The following LCOR variants were observed in gnomAD, a reference collection of about 807,000 sequenced individuals.
The protein encoded by LCOR is ligand dependent nuclear receptor corepressor, also known as ligand-dependent corepressor.
LCOR carries 14 observed loss-of-function variants against 64.4 expected under a neutral mutation model. The observed-to-expected ratio is 0.22, with a 90% CI of 0.14 to 0.34. LCOR has a LOEUF of 0.34. LCOR is among the 10% of genes least tolerant of loss of function. LCOR has a pLI of 1.00. For missense variants in LCOR, 1,686 were observed against 1,765.3 expected (o/e 0.96, Z 0.80); for synonymous variants, 643 against 642.5 (o/e 1.00, Z -0.01).
At position 96,991,742 on chromosome 10, in the gene LCOR, A is replaced by G. The variant is rs1459879769; in HGVS notation, c.*6608A>G. 2 of 152,208 alleles carry G rather than the reference A, an allele frequency of 1.3e-5. No individual in the cohort carries two copies. The highest frequency in any genetic ancestry group is 1.3e-4 in the Admixed American group (2 of 15,288). The allele number at this position is 152,208 out of a possible 1,614,324, so 9.4% of individuals were successfully genotyped here. On this transcript the variant is annotated 3_prime_UTR_variant, in exon 8 of 8. Transcript: ENST00000421806. ...CGGCAGCTTTAGACAGAACAAGTTCAGGGCTCTCCAGCCCAGCCCGAGTCA... is the reference window on the plus strand; with the variant it reads ...CGGCAGCTTTAGACAGAACAAGTTCGGGGCTCTCCAGCCCAGCCCGAGTCA...
intron 2 of LCOR, among the ~76,000 whole-genome samples, chr10:96,875,430 C>G (rs532155672): frequency 6.6e-6 from 1 of 151,928 alleles, no homozygotes; most frequent in South Asian, 2.1e-4. Flanking sequence ...GTTTTTTTCT[C>G]CCTTACTCTC....
At chr10:96,919,989 A>G (rs1401400342) in intron 4 of LCOR, among the ~76,000 whole-genome samples, 1 of 152,096 alleles carries the variant, frequency 6.6e-6, no homozygotes, top group Non-Finnish European at 1.5e-5. Context: ...TCCTGCTTTC[A>G]GTTCTTTTTT....
chr10:96,925,187 T>A (rs909347709), intron 4 of LCOR, among the ~76,000 whole-genome samples: 11 of 152,272 alleles, frequency 7.2e-5, no homozygotes, highest in African/African-American at 2.4e-4. Flanking sequence ...GTGGTTCTCC[T>A]GCCTCAGCCT....
intron 7 of LCOR, chr10:96,958,353 T>C: frequency 6.5e-7 from 1 of 1,533,102 alleles, no homozygotes. Context: ...AATTTTGTCA[T>C]TGTAGTGTAC....
At chr10:96,951,456 A>G (rs1303849859) in intron 6 of LCOR, among the ~76,000 whole-genome samples, 3 of 152,126 alleles carry the variant, frequency 2.0e-5, no homozygotes, top group Admixed American at 1.3e-4. Flanking sequence ...AATCTCTGCA[A>G]AATTTTTTTA....
intron 7 of LCOR, chr10:96,963,712 T>C (rs1474538859): frequency 6.6e-6 from 1 of 152,234 alleles, no homozygotes; most frequent in Non-Finnish European, 1.5e-5. Context: ...GTTTTAGTCC[T>C]TTGCATCTTT....
intron 2 of LCOR, among the ~76,000 whole-genome samples, chr10:96,906,767 C>A (rs1846736424): frequency 6.6e-6 from 1 of 152,140 alleles, no homozygotes; most frequent in Non-Finnish European, 1.5e-5. Context: ...CTTGTACCTT[C>A]TTTACAAAAG....
In LCOR at chr10:96,982,010, G is replaced by T; in HGVS notation, c.1550G>T (p.Arg517Leu). Reference sequence around the variant, plus strand: ...GACTGTTGTGAGCTGCCAACTGTTCGTACACTGGCCAGAAATTTACACTCC... The same window carrying T: ...GACTGTTGTGAGCTGCCAACTGTTCTTACACTGGCCAGAAATTTACACTCC... ...NGDCCELPTV[R>L]TLARNLHSQE... The change falls in exon 8 of 8, where the codon CGT (arginine) becomes CTT (leucine). Residue 517 changes from arginine to leucine, a missense_variant. By Grantham distance (102) the Arg-to-Leu change is moderately radical. This residue lies in a region of LCOR where 1,293 missense variants were observed against 1,410.4 expected (regional missense o/e 0.92). Transcript: ENST00000421806. 1.2e-6 allele frequency: 2 copies of T among 1,613,938 alleles called. No individual in the cohort carries two copies. Among genetic ancestry groups the T allele is most frequent in the Non-Finnish European group, 1.7e-6 (2 of 1,180,030 alleles).
intron 5 of LCOR, among the ~76,000 whole-genome samples, chr10:96,945,928 T>A (rs1394833102): frequency 3.9e-5 from 6 of 152,004 alleles, no homozygotes; most frequent in Admixed American, 2.0e-4. Flanking sequence ...GTTTTTCTTT[T>A]TTTTTTTTTA....
rs1417911045 is a variant in LCOR at position 96,883,030 on chromosome 10, AG to A, written c.-329-24233del. On this transcript the variant is annotated intron_variant, in intron 2 of 7. Coordinates refer to ENST00000421806, the MANE Select transcript of LCOR (RefSeq NM_001346516.2). The stretch of plus-strand genomic sequence containing the variant: ...TAAAGCCACTATAAAATTTGTGTTC[AG>A]GTTTTTCTTTTGTTGTTGTTGTTGA... Among the ~76,000 whole-genome samples the A allele has an allele frequency of 1.7e-4, 26 of 152,128 alleles. 1 individual carries two copies. Among genetic ancestry groups the A allele is most frequent in the Admixed American group, 1.6e-3 (24 of 15,254 alleles).
intron 2 of LCOR, among the ~76,000 whole-genome samples, chr10:96,868,217 A>G (rs1357964018): frequency 6.6e-6 from 1 of 151,424 alleles, no homozygotes; most frequent in Non-Finnish European, 1.5e-5. Flanking sequence ...GGATGTCCTA[A>G]TAATATTGAG....
At chr10:96,935,902 C>CT (rs1847343170) in intron 4 of LCOR, among the ~76,000 whole-genome samples, 2 of 152,210 alleles carry the variant, frequency 1.3e-5, no homozygotes, top group African/African-American at 4.8e-5. Flanking sequence ...AATCTCACAC[C>CT]TAAAGGTGTT....
intron 7 of LCOR, among the ~76,000 whole-genome samples, chr10:96,978,307 GATA>G (rs1224700201): frequency 6.6e-6 from 1 of 152,212 alleles, no homozygotes; most frequent in Non-Finnish European, 1.5e-5. Flanking sequence ...AAAGGAAGAA[GATA>G]ATATTTGCCA....
chr10:96,857,087 TG>T (rs1845818380), intron 2 of LCOR, among the ~76,000 whole-genome samples: 1 of 146,378 alleles, frequency 6.8e-6, no homozygotes, highest in African/African-American at 2.7e-5. Flanking sequence ...GATATATATA[TG>T]TATATATATG....
rs188881758 is a variant in LCOR at position 96,911,217 on chromosome 10, C to A, written c.-184+3470C>A. The stretch of plus-strand genomic sequence containing the variant: ...GGTTCAAGCGATTCTCATGCCTTAG[C>A]CTCCTGAGTAGCTGGAACTACAGGC... On this transcript the variant is annotated intron_variant, in intron 4 of 7. Transcript: ENST00000421806. 2.0e-5 allele frequency among the ~76,000 whole-genome samples: 3 copies of A among 151,100 alleles called. No individual in the cohort carries two copies. The East Asian group carries it at 5.9e-4, about 30-fold the overall frequency.
At chr10:96,900,985 C>T (rs1273305593) in intron 2 of LCOR, among the ~76,000 whole-genome samples, 2 of 151,128 alleles carry the variant, frequency 1.3e-5, no homozygotes, top group African/African-American at 4.9e-5. Context: ...TTCAGGAGAT[C>T]GAGACCATCG....
At chr10:96,957,400 G>A (rs986651437) in intron 7 of LCOR, 22 of 984,906 alleles carry the variant, frequency 2.2e-5, no homozygotes, top group Non-Finnish European at 2.7e-5. Flanking sequence ...TATTTTCTGC[G>A]GTTTTTGCAA....
intron 2 of LCOR, among the ~76,000 whole-genome samples, chr10:96,840,377 T>A (rs1845519286): frequency 1.3e-5 from 2 of 152,216 alleles, no homozygotes; most frequent in Admixed American, 1.3e-4. Context: ...TAGTAAAAAC[T>A]AGTATTTGTT....
intron 2 of LCOR, among the ~76,000 whole-genome samples, chr10:96,898,109 A>G (rs922177723): frequency 1.3e-5 from 2 of 152,212 alleles, no homozygotes; most frequent in African/African-American, 4.8e-5. Context: ...AAAGATGAAT[A>G]AACTCCAGTT....
Sources: gnomAD v4.1 joint callset for allele counts (sites outside exome capture counted in the v4.1 genomes callset) on GRCh38, gnomAD v4.1.1 for gene constraint, gnomAD v4.1.1 regional missense constraint, MANE v1.5 for transcripts, NCBI Gene and HGNC (gene_info 2026-07-23, HGNC 2026-07-21) for gene names.